Variants in UGCG observed in about 807,000 individuals in gnomAD.
UGCG encodes the protein UDP-glucose ceramide glucosyltransferase, also known as ceramide glucosyltransferase.
UGCG carries 10 observed loss-of-function variants against 49.5 expected under a neutral mutation model. The observed-to-expected ratio is 0.20, with a 90% CI of 0.12 to 0.34. The LOEUF (loss-of-function observed/expected upper bound fraction) is 0.34, where lower values mean the gene tolerates loss of function less well. UGCG is among the 10% of genes least tolerant of loss of function. The pLI, the probability that UGCG is intolerant of heterozygous loss-of-function variation, is 1.00. For synonymous variants in UGCG, 182 were observed against 158.2 expected (o/e 1.15, Z -1.13); for missense variants, 312 against 483.7 (o/e 0.65, Z 3.33).
intron 1 of UGCG, among the ~76,000 whole-genome samples, chr9:111,912,045 T>TATATATATAC (rs961833366): frequency 2.1e-5 from 3 of 141,638 alleles, no homozygotes; most frequent in African/African-American, 5.2e-5. Flanking sequence ...TATATATATA[T>TATATATATAC]ATATATATCC....
At chr9:111,899,815 T>C (rs1033823135) in intron 1 of UGCG, among the ~76,000 whole-genome samples, 1 of 152,216 alleles carries the variant, frequency 6.6e-6, no homozygotes, top group African/African-American at 2.4e-5. Flanking sequence ...TTATAGTTTC[T>C]TCTAAATATT....
intron 2 of UGCG, among the ~76,000 whole-genome samples, chr9:111,918,317 C>T (rs1838148402): frequency 6.6e-6 from 1 of 152,154 alleles, no homozygotes. Flanking sequence ...GCTGGGATTG[C>T]AGGTGTGAGC....
intron 2 of UGCG, among the ~76,000 whole-genome samples, chr9:111,918,209 T>C (rs1054481473): frequency 6.6e-6 from 1 of 152,026 alleles, no homozygotes; most frequent in Non-Finnish European, 1.5e-5. Flanking sequence ...CGCTGGCTAA[T>C]TTTTATATTT....
chr9:111,899,601 G>T (rs1264570731), intron 1 of UGCG, among the ~76,000 whole-genome samples: 1 of 152,156 alleles, frequency 6.6e-6, no homozygotes, highest in Non-Finnish European at 1.5e-5. Context: ...AAAAGTGTGT[G>T]TGCATGTGTG....
chr9:111,901,182 A>G (rs1416442928), intron 1 of UGCG, among the ~76,000 whole-genome samples: 2 of 152,236 alleles, frequency 1.3e-5, no homozygotes, highest in African/African-American at 2.4e-5. Flanking sequence ...TGGAATTTGC[A>G]TACTCATTGT....
chr9:111,926,414 A>G lies in UGCG; in HGVS notation c.476A>G (p.Asn159Ser), dbSNP rs2118585951. ...VIPDTLTDMV[N>S]QMTEKVGLVH... ...CCAGATACGCTTACTGACATGGTGA[A>G]TCAAATGACAGAAAAAGTAGGCTTG... The change falls in exon 5 of 9, where the codon AAT (asparagine) becomes AGT (serine). Residue 159 changes from asparagine (N) to serine (S), a missense_variant. Around this residue, in one of 4 missense-constraint regions of UGCG, gnomAD observed 180 missense variants for 320.4 expected, o/e 0.56. Transcript: ENST00000374279. 1 of 1,611,016 alleles carries G rather than the reference A, an allele frequency of 6.2e-7. No homozygotes were observed. The highest frequency in any genetic ancestry group is 8.5e-7 in the Non-Finnish European group (1 of 1,178,002).
chr9:111,906,622 G>A (rs1837890764), intron 1 of UGCG, among the ~76,000 whole-genome samples: 1 of 151,934 alleles, frequency 6.6e-6, no homozygotes, highest in Non-Finnish European at 1.5e-5. Context: ...TAGAGACGGG[G>A]TTTCACCATG....
At chr9:111,906,678 C>CAAT (rs1301454205) in intron 1 of UGCG, among the ~76,000 whole-genome samples, 77 of 152,250 alleles carry the variant, frequency 5.1e-4, no homozygotes, top group African/African-American at 1.8e-3. Flanking sequence ...GATCCACCTG[C>CAAT]CTCAGCCTCC....
At position 111,934,569 on chromosome 9, in the gene UGCG, T is replaced by A. The variant is rs1838483027; in HGVS notation, c.*1572T>A. On this transcript the variant is annotated 3_prime_UTR_variant, in exon 9 of 9. Transcript: ENST00000374279. ...GTGTAGCATATCAGCAATAACTACA[T>A]ATTTATAGAAAACACTTTTTCACTT... The A allele has an allele frequency of 6.6e-6, 1 of 152,208 alleles. No individual in the cohort carries two copies. Among genetic ancestry groups the A allele is most frequent in the South Asian group, 2.1e-4 (1 of 4,836 alleles). The allele number at this position is 152,208 out of a possible 1,614,324, so 9.4% of individuals were successfully genotyped here.
intron 2 of UGCG, among the ~76,000 whole-genome samples, chr9:111,917,346 A>C (rs1838130010): frequency 2.0e-5 from 3 of 152,252 alleles, no homozygotes; most frequent in Admixed American, 6.5e-5. Context: ...CAAATGTTCC[A>C]CAGGAGACTA....
intron 2 of UGCG, among the ~76,000 whole-genome samples, chr9:111,917,732 C>G (rs1480054284): frequency 1.3e-5 from 2 of 152,214 alleles, no homozygotes; most frequent in Non-Finnish European, 2.9e-5. Flanking sequence ...TGAAAGATCT[C>G]TGCGCTGTAT....
intron 2 of UGCG, among the ~76,000 whole-genome samples, chr9:111,922,482 T>G (rs933732269): frequency 1.3e-5 from 2 of 152,184 alleles, no homozygotes; most frequent in Non-Finnish European, 2.9e-5. Context: ...TGTCACTTTT[T>G]ACTCTGCTAG....
At chr9:111,917,463 G>A (rs955119816) in intron 2 of UGCG, among the ~76,000 whole-genome samples, 3 of 152,206 alleles carry the variant, frequency 2.0e-5, no homozygotes, top group Non-Finnish European at 4.4e-5. Context: ...ACTGCCAGGC[G>A]CAGTGCCCTT....
At chr9:111,902,695 CAA>C (rs910573305) in intron 1 of UGCG, among the ~76,000 whole-genome samples, 1 of 152,124 alleles carries the variant, frequency 6.6e-6, no homozygotes, top group Non-Finnish European at 1.5e-5. Context: ...ATTATAAAAA[CAA>C]CACATTCTGG....
Position 111,932,288 on chromosome 9 carries a change from A to G in UGCG, c.943A>G (p.Ile315Val). 6.2e-7 allele frequency: 1 copy of G among 1,614,098 alleles called. No individual in the cohort carries two copies. Among genetic ancestry groups the G allele is most frequent in the South Asian group, 1.1e-5 (1 of 91,082 alleles). ...WAAHHVFRWD[I>V]MVFFMCHCLA... ...AGCCCACCATGTGTTCAGATGGGAT[A>G]TTATGGTATTTTTCATGTGTCATTG... The change falls in exon 8 of 9, where the codon ATT becomes GTT. Residue 315 changes from isoleucine (I) to valine (V), a missense_variant. Physicochemically the swap from Ile to Val is conservative, Grantham distance 29 (BLOSUM62 3). Coordinates refer to ENST00000374279, the MANE Select transcript of UGCG (RefSeq NM_003358.3).
intron 5 of UGCG, among the ~76,000 whole-genome samples, 180 bp downstream of exon 5, chr9:111,926,676 T>C (rs1481094242): frequency 6.6e-6 from 1 of 152,118 alleles, no homozygotes; most frequent in East Asian, 1.9e-4. Flanking sequence ...AGGAAATTCT[T>C]GGGACCCTGA....
At chr9:111,915,720 T>C in intron 2 of UGCG, 9 of 921,698 alleles carry the variant, frequency 9.8e-6, no homozygotes, top group Non-Finnish European at 1.0e-5. Flanking sequence ...ACACTTCTTA[T>C]GGTGACTGGT....
At chr9:111,912,313 C>G (rs770676998) in intron 1 of UGCG, among the ~76,000 whole-genome samples, 1 of 151,960 alleles carries the variant, frequency 6.6e-6, no homozygotes, top group Non-Finnish European at 1.5e-5. Context: ...TGTAGTGGTT[C>G]ACACCTGTAA....
chr9:111,908,244 C>G (rs1837924777), intron 1 of UGCG, among the ~76,000 whole-genome samples: 1 of 152,140 alleles, frequency 6.6e-6, no homozygotes, highest in South Asian at 2.1e-4. Context: ...TAAAACTATC[C>G]TGTAACAAGA....
Sources: gnomAD v4.1 joint callset for allele counts (sites outside exome capture counted in the v4.1 genomes callset) on GRCh38, gnomAD v4.1.1 for gene constraint, gnomAD v4.1.1 regional missense constraint, MANE v1.5 for transcripts, NCBI Gene and HGNC (gene_info 2026-07-23, HGNC 2026-07-21) for gene names.